ZNF467: variants seen among roughly 807,000 people sequenced by gnomAD.
ZNF467 encodes zinc finger protein EZI.
A neutral mutation model predicts 47.8 loss-of-function variants in ZNF467; 51 were observed. That is an observed-to-expected ratio of 1.07 (90% CI 0.85 to 1.35). The LOEUF is 1.35. Ranked by LOEUF, ZNF467 falls within the 40% of genes most tolerant of loss-of-function variation. The pLI is 0.00. For missense variants in ZNF467, 992 were observed against 858.1 expected (o/e 1.16, Z -1.95); for synonymous variants, 416 against 372.9 (o/e 1.12, Z -1.33).
At chr7:149,767,065 C>T (rs1363321545) in intron 4 of ZNF467, among the ~76,000 whole-genome samples, 2 of 152,206 alleles carry the variant, frequency 1.3e-5, no homozygotes, top group Non-Finnish European at 2.9e-5. Flanking sequence ...AATGGTCCAG[C>T]CTAGAGGAAG....
chr7:149,766,222 G>C lies in ZNF467; in HGVS notation c.280C>G (p.Arg94Gly). ...TCTTCGTCCTCCACCTTCACCTTCC[G>C]AATCATCCACTCCTCTCCTGGAAAG... The part of the protein sequence containing the change: ...GTCPGEEWMI[R>G]KVKVEDEDQE... Residue 94 changes from arginine (R) to glycine (G), a missense_variant, in exon 5 of 5, where the codon CGG becomes GGG. By Grantham distance (125) the Arg-to-Gly change is moderately radical. Coordinates refer to ENST00000302017, the MANE Select transcript of ZNF467 (RefSeq NM_207336.3). 2.0e-6 allele frequency: 3 copies of C among 1,523,726 alleles called. No individual in the cohort carries two copies. Among genetic ancestry groups the C allele is most frequent in the African/African-American group, 1.4e-5 (1 of 72,082 alleles). The allele number at this position is 1,523,726 out of a possible 1,614,324, so 94.4% of individuals were successfully genotyped here.
At chr7:149,773,922 G>A (rs1482400664), upstream of ZNF467, among the ~76,000 whole-genome samples, 1 of 152,202 alleles carries the variant, frequency 6.6e-6, no homozygotes, top group African/African-American at 2.4e-5. Flanking sequence ...GGGGCAGGCG[G>A]GAGAGAGGGC....
upstream of ZNF467, chr7:149,776,113 C>A: frequency 7.4e-7 from 1 of 1,358,228 alleles, no homozygotes; most frequent in Non-Finnish European, 9.8e-7. Flanking sequence ...ACCCTGGACC[C>A]CTCTGACAAG....
chr7:149,764,957 GTGGGGGCGGCTGCCAGTGTGCACCGCC>G lies in ZNF467; in HGVS notation c.1518_1544del (p.Gln506_Pro514del). 6.3e-7 allele frequency: 1 copy of G among 1,588,640 alleles called. No individual in the cohort carries two copies. The highest frequency in any genetic ancestry group is 8.5e-7 in the Non-Finnish European group (1 of 1,173,738). ...AGCTGCGGGCGCAGACGGCGCAGGC[GTGGGGGCGGCTGCCAGTGTGCACCGCC>G]TGGTGGCGGCCCAGGTGCGACTTGC... On this transcript the variant is annotated inframe_deletion, in exon 5 of 5. Transcript: ENST00000302017.
intron 3 of ZNF467, 106 bp downstream of exon 3, chr7:149,770,334 G>A (rs1461232404): frequency 4.7e-6 from 3 of 644,544 alleles, no homozygotes; most frequent in Non-Finnish European, 7.9e-6. Flanking sequence ...AAGGAAAGAA[G>A]GAAGGGAGGG....
In ZNF467 at chr7:149,766,362, C is replaced by T. The variant is rs2117416019; in HGVS notation, c.263-123G>A. Reference sequence around the variant, plus strand: ...CTGCTCTCCACTCTACCTAACGCTTCCCGGGAGTGACCAAATCCGCAGCTC... The same window carrying T: ...CTGCTCTCCACTCTACCTAACGCTTTCCGGGAGTGACCAAATCCGCAGCTC... On this transcript the variant is annotated intron_variant, in intron 4 of 4. Coordinates refer to ENST00000302017, the MANE Select transcript of ZNF467 (RefSeq NM_207336.3). 1.8e-5 allele frequency: 26 copies of T among 1,437,050 alleles called. No homozygotes were observed. The South Asian group carries it at 3.4e-4, about 19-fold the overall frequency. 89.0% of individuals were successfully genotyped at this position (1,437,050 alleles called of 1,614,324 possible). A position where few individuals can be genotyped will look rare whatever the true frequency, so the allele number is the denominator to read the frequency against.
In ZNF467 at chr7:149,764,651, G is replaced by A; in HGVS notation, c.*63C>T. 1 of 1,557,044 alleles carries A rather than the reference G, an allele frequency of 6.4e-7. No individual in the cohort carries two copies. Among genetic ancestry groups the A allele is most frequent in the African/African-American group, 1.4e-5 (1 of 73,650 alleles). On this transcript the variant is annotated 3_prime_UTR_variant, in exon 5 of 5. Coordinates refer to ENST00000302017, the MANE Select transcript of ZNF467 (RefSeq NM_207336.3). ...GCCCAGGTCGCCTTGCTCACCCCAG[G>A]CGGTCTCATGGCACGGGCCTCTCGA...
chr7:149,774,120 G>A (rs1365619811), upstream of ZNF467, among the ~76,000 whole-genome samples: 1 of 151,986 alleles, frequency 6.6e-6, no homozygotes, highest in Non-Finnish European at 1.5e-5. This position sits in a 1 kb window ranked among gnomAD's most constrained non-coding sequence, Gnocchi z 5.7. Context: ...AGAGAGGGGA[G>A]GGCTCTATGG....
chr7:149,770,903 T>C, intron 2 of ZNF467, 96 bp downstream of exon 2: 1 of 1,517,392 alleles, frequency 6.6e-7, no homozygotes, highest in Non-Finnish European at 9.1e-7. Flanking sequence ...GGCCTCAGGG[T>C]TGCAGCCTCC....
intron 1 of ZNF467, among the ~76,000 whole-genome samples, chr7:149,771,641 G>A (rs1012697140): frequency 6.6e-6 from 1 of 151,992 alleles, no homozygotes; most frequent in African/African-American, 2.4e-5. Context: ...TCTCACCCGT[G>A]CCGGGCTGCC....
chr7:149,767,021 A>G (rs1032442718), intron 4 of ZNF467, among the ~76,000 whole-genome samples: 2 of 152,190 alleles, frequency 1.3e-5, no homozygotes, highest in African/African-American at 4.8e-5. Context: ...GTTGCAGGGG[A>G]TTCCGCTGGA....
At position 149,769,085 on chromosome 7, in the gene ZNF467, C is replaced by T. The variant is rs1376569164; in HGVS notation, c.262+5G>A. ...GTGGTGGGATGAAGTGATGGGAAGACTCACCTGGGCAGGTACCCACAGGCT... is the reference window on the plus strand; with the variant it reads ...GTGGTGGGATGAAGTGATGGGAAGATTCACCTGGGCAGGTACCCACAGGCT... On this transcript the variant is annotated splice_donor_5th_base_variant and intron_variant, in intron 4 of 4. Transcript: ENST00000302017. The surrounding 1 kb of genome is among the most constrained non-coding windows in gnomAD (Gnocchi z 5.3). 1.3e-6 allele frequency: 2 copies of T among 1,541,572 alleles called. No homozygotes were observed. The highest frequency in any genetic ancestry group is 2.8e-5 in the African/African-American group (2 of 72,678).
rs1158830638 is a variant in ZNF467, at chr7:149,765,239, G to A, written c.1263C>T (p.Pro421=). The A allele has an allele frequency of 6.8e-7, 1 of 1,470,908 alleles. No individual in the cohort carries two copies. The highest frequency in any genetic ancestry group is 1.4e-5 in the South Asian group (1 of 73,928). The allele number at this position is 1,470,908 out of a possible 1,614,324, so 91.1% of individuals were successfully genotyped here. A position where few individuals can be genotyped will look rare whatever the true frequency, so the allele number is the denominator to read the frequency against. Residue 421 remains proline, a synonymous_variant, in exon 5 of 5, where the codon CCC becomes CCT. Transcript: ENST00000302017. The part of the protein sequence containing the change: ...GCGPGSDPVV[P]QRAPSGERSF... ...ACCGCTCGCCCGAGGGGGCGCGCTG[G>A]GGCACCACGGGATCGGATCCTGGGC... is the stretch of plus-strand genomic sequence containing the variant.
At chr7:149,768,621 AGT>A in intron 4 of ZNF467, among the ~76,000 whole-genome samples, 1 of 152,320 alleles carries the variant, frequency 6.6e-6, no homozygotes, top group South Asian at 2.1e-4. Context: ...GTTGAGAGAG[AGT>A]GAGCAGTTTG....
Position 149,769,973 on chromosome 7 carries a change from G to A in ZNF467, c.151+467C>T, listed in dbSNP as rs552924632. On this transcript the variant is annotated intron_variant, in intron 3 of 4. Coordinates refer to ENST00000302017, the MANE Select transcript of ZNF467 (RefSeq NM_207336.3). This position sits in a 1 kb window ranked among gnomAD's most constrained non-coding sequence, Gnocchi z 5.3. Reference sequence around the variant, plus strand: ...AATACAGGCATAAGCCACCATGCCCGGCTTCCCCAAGCTCCTTCAAATCCT... The same window carrying A: ...AATACAGGCATAAGCCACCATGCCCAGCTTCCCCAAGCTCCTTCAAATCCT... 8.5e-5 allele frequency among the ~76,000 whole-genome samples: 13 copies of A among 152,184 alleles called. No homozygotes were observed. In the East Asian group the frequency reaches 1.4e-3, roughly 16 times the overall value.
intron 1 of ZNF467, among the ~76,000 whole-genome samples, chr7:149,772,625 T>G: frequency 7.5e-6 from 1 of 132,716 alleles, no homozygotes; most frequent in African/African-American, 2.8e-5. Flanking sequence ...TCCACCTCCC[T>G]GCCCCGCCGC....
chr7:149,764,303 G>C lies in ZNF467; in HGVS notation c.*411C>G, dbSNP rs1487064599. The C allele has an allele frequency of 5.9e-6, 3 of 505,046 alleles. No individual in the cohort carries two copies. Among genetic ancestry groups the C allele is most frequent in the Non-Finnish European group, 6.9e-6 (2 of 287,862 alleles). 31.3% of individuals were successfully genotyped at this position (505,046 alleles called of 1,614,324 possible). ...GGTGGTCTGTGTGTGGATGGAGGTG[G>C]GACAGTGGCTAAGGAGAGTCAGGTG... On this transcript the variant is annotated 3_prime_UTR_variant, in exon 5 of 5. Coordinates refer to ENST00000302017, the MANE Select transcript of ZNF467 (RefSeq NM_207336.3).
rs914606742 is a variant in ZNF467 at position 149,773,319 on chromosome 7, G to A, written c.-254C>T. On this transcript the variant is annotated 5_prime_UTR_variant, in exon 1 of 5. Coordinates refer to ENST00000302017, the MANE Select transcript of ZNF467 (RefSeq NM_207336.3). ...GGGAAACGGCGCCTGCAAGGGAGGA[G>A]GGACCGAGGGAGCGGGCGGAGAGCC... The A allele has an allele frequency of 6.6e-6, 1 of 151,594 alleles. No individual in the cohort carries two copies. Among genetic ancestry groups the A allele is most frequent in the Non-Finnish European group, 1.5e-5 (1 of 67,984 alleles). The allele number at this position is 151,594 out of a possible 1,614,324, so 9.4% of individuals were successfully genotyped here. A position where few individuals can be genotyped will look rare whatever the true frequency, so the allele number is the denominator to read the frequency against.
Position 149,764,417 on chromosome 7 carries a change from G to T in ZNF467, c.*297C>A, listed in dbSNP as rs199797137. The T allele has an allele frequency of 5.5e-4, 324 of 592,922 alleles. 2 individuals are homozygous for T. The highest frequency in any genetic ancestry group is 9.6e-5 in the Non-Finnish European group (32 of 331,968). 36.7% of individuals were successfully genotyped at this position (592,922 alleles called of 1,614,324 possible). A position where few individuals can be genotyped will look rare whatever the true frequency, so the allele number is the denominator to read the frequency against. ...AGTACATAAATAACCACTCTTTCCT[G>T]CCCTGGTTGAGGCCGCGCTGGGTCC... On this transcript the variant is annotated 3_prime_UTR_variant, in exon 5 of 5. Coordinates refer to ENST00000302017, the MANE Select transcript of ZNF467 (RefSeq NM_207336.3).
Sources: allele counts gnomAD v4.1 joint callset (sites outside exome capture counted in the v4.1 genomes callset), GRCh38; gene constraint gnomAD v4.1.1; non-coding constraint Gnocchi (gnomAD v3.1); transcripts MANE v1.5; gene names NCBI Gene and HGNC (gene_info 2026-07-23, HGNC 2026-07-21).